Variants in CTNND2 observed in about 807,000 individuals in gnomAD.
CTNND2 encodes the protein catenin delta-2.
Under a neutral mutation model 144.4 loss-of-function variants are expected in CTNND2, and 22 were observed. The ratio of observed to expected loss-of-function variants is 0.15; its 90% CI spans 0.11 to 0.22. The LOEUF (loss-of-function observed/expected upper bound fraction) is 0.22, where lower values mean the gene tolerates loss of function less well. CTNND2 is among the 10% of genes least tolerant of loss of function. CTNND2 has a pLI of 1.00. For missense variants in CTNND2, 1,353 were observed against 1,618.8 expected, an observed-to-expected ratio of 0.84 and a Z score of 2.82; for synonymous variants, 751 against 695.6, an observed-to-expected ratio of 1.08 and a Z score of -1.25.
intron 8 of CTNND2, among the ~76,000 whole-genome samples, chr5:11,364,275 T>C (rs543089777): frequency 1.3e-5 from 2 of 152,332 alleles, no homozygotes; most frequent in African/African-American, 4.8e-5. Context: ...GTTTAGTAAA[T>C]ATGTTTTTGT....
At chr5:11,828,043 C>T (rs1172335622) in intron 1 of CTNND2, among the ~76,000 whole-genome samples, 1 of 152,142 alleles carries the variant, frequency 6.6e-6, no homozygotes, top group Non-Finnish European at 1.5e-5. Flanking sequence ...CTTCTCCTAC[C>T]AAGAGCCCAG....
At chr5:11,550,490 G>C (rs1052383002) in intron 3 of CTNND2, among the ~76,000 whole-genome samples, 3 of 152,202 alleles carry the variant, frequency 2.0e-5, no homozygotes, top group Non-Finnish European at 2.9e-5. Context: ...GAGGAAAGTT[G>C]GCAGTCAATG....
intron 3 of CTNND2, among the ~76,000 whole-genome samples, chr5:11,412,933 C>T (rs868122756): frequency 3.2e-4 from 48 of 152,128 alleles, no homozygotes; most frequent in African/African-American, 1.0e-3. Flanking sequence ...CACAACAGCA[C>T]ATGGATTGTA....
chr5:11,832,278 A>G (rs1793947355), intron 1 of CTNND2, among the ~76,000 whole-genome samples: 2 of 151,892 alleles, frequency 1.3e-5, no homozygotes, highest in South Asian at 4.1e-4. Context: ...GCGAGATTCC[A>G]TCTCACAAAA....
intron 5 of CTNND2, among the ~76,000 whole-genome samples, chr5:11,410,831 T>C (rs1247550591): frequency 1.3e-5 from 2 of 152,062 alleles, no homozygotes; most frequent in Non-Finnish European, 2.9e-5. Context: ...CTTTTTATGA[T>C]TTCTACCAAC....
chr5:11,374,078 T>C (rs1173221576), intron 7 of CTNND2, among the ~76,000 whole-genome samples: 1 of 152,136 alleles, frequency 6.6e-6, no homozygotes, highest in Admixed American at 6.5e-5. Flanking sequence ...GGGTCAGTGC[T>C]GTGATGATCA....
In CTNND2 at chr5:10,992,079, G is replaced by A. The variant is rs1217155383; in HGVS notation, c.3211+472C>T. Among the ~76,000 whole-genome samples the A allele has an allele frequency of 3.9e-5, 6 of 152,150 alleles. No individual in the cohort carries two copies. In the East Asian group the frequency reaches 5.8e-4, roughly 15 times the overall value. On this transcript the variant is annotated intron_variant, in intron 19 of 21. Coordinates refer to ENST00000304623, the MANE Select transcript of CTNND2 (RefSeq NM_001332.4). ...ATTACAGGCGTGTGCCAACAAGCCC[G>A]GCTAATTTTTGTATTTTTACTAGAG... is the stretch of plus-strand genomic sequence containing the variant.
chr5:10,989,592 C>A (rs1330396891), intron 19 of CTNND2, among the ~76,000 whole-genome samples: 3 of 152,206 alleles, frequency 2.0e-5, no homozygotes, highest in Non-Finnish European at 4.4e-5. Context: ...TCATTCACAC[C>A]CTCTGTAGGG....
intron 9 of CTNND2, among the ~76,000 whole-genome samples, chr5:11,253,955 T>C (rs560651616): frequency 2.2e-3 from 330 of 152,366 alleles, no homozygotes; most frequent in Non-Finnish European, 3.6e-3. Flanking sequence ...TATGTTTACT[T>C]ACTTGGTGTA....
At chr5:11,816,219 GCTC>G (rs1792642109) in intron 1 of CTNND2, among the ~76,000 whole-genome samples, 1 of 152,174 alleles carries the variant, frequency 6.6e-6, no homozygotes. Flanking sequence ...GATTACGTAA[GCTC>G]CTTTCTTTGG....
At chr5:11,891,974 C>T (rs1736999308) in intron 1 of CTNND2, among the ~76,000 whole-genome samples, 2 of 152,212 alleles carry the variant, frequency 1.3e-5, no homozygotes. Context: ...ATTATCCACT[C>T]AGTGCTACAG....
intron 7 of CTNND2, among the ~76,000 whole-genome samples, chr5:11,379,482 G>A (rs1273245460): frequency 1.3e-5 from 2 of 151,922 alleles, no homozygotes; most frequent in Non-Finnish European, 2.9e-5. Context: ...TGTAGAATGG[G>A]GGTAAAAATC....
chr5:11,092,997 T>C (rs1448000122), intron 15 of CTNND2, among the ~76,000 whole-genome samples: 1 of 152,228 alleles, frequency 6.6e-6, no homozygotes, highest in African/African-American at 2.4e-5. Flanking sequence ...CATTTTTTAT[T>C]CATTTGGGGC....
chr5:11,471,874 T>C (rs1235115423), intron 3 of CTNND2, among the ~76,000 whole-genome samples: 1 of 152,232 alleles, frequency 6.6e-6, no homozygotes, highest in Non-Finnish European at 1.5e-5. Flanking sequence ...GAATTTGAAT[T>C]TGGTACTTTT....
At chr5:11,504,262 G>A (rs897711762) in intron 3 of CTNND2, among the ~76,000 whole-genome samples, 5 of 152,224 alleles carry the variant, frequency 3.3e-5, no homozygotes, top group African/African-American at 9.6e-5. Flanking sequence ...TGCTGTTGCT[G>A]CTGCTGCTGC....
intron 2 of CTNND2, among the ~76,000 whole-genome samples, chr5:11,595,667 G>T (rs1022030057): frequency 1.3e-5 from 2 of 152,038 alleles, no homozygotes; most frequent in African/African-American, 4.8e-5. Flanking sequence ...GACCATCTCG[G>T]TAATAGTTCA....
intron 18 of CTNND2, among the ~76,000 whole-genome samples, chr5:11,000,414 G>C (rs912710272): frequency 6.6e-6 from 1 of 152,126 alleles, no homozygotes; most frequent in Non-Finnish European, 1.5e-5. Context: ...CCAGCTACTC[G>C]GGAGGCTGAG....
At chr5:11,553,837 T>G (rs940214430) in intron 3 of CTNND2, among the ~76,000 whole-genome samples, 10 of 152,140 alleles carry the variant, frequency 6.6e-5, no homozygotes, top group Admixed American at 5.9e-4. Context: ...ATACTGCAAT[T>G]CTTCTAAATA....
intron 11 of CTNND2, among the ~76,000 whole-genome samples, chr5:11,197,766 A>G (rs1737017928): frequency 6.6e-6 from 1 of 152,212 alleles, no homozygotes; most frequent in Non-Finnish European, 1.5e-5. Flanking sequence ...GTCATGTGTC[A>G]GGGGTATGGG....
Sources: gnomAD v4.1 joint callset for allele counts (sites outside exome capture counted in the v4.1 genomes callset) on GRCh38, gnomAD v4.1.1 for gene constraint, MANE v1.5 for transcripts, NCBI Gene and HGNC (gene_info 2026-07-23, HGNC 2026-07-21) for gene names.